SLC16A10: variants seen among roughly 807,000 people sequenced by gnomAD.
SLC16A10 encodes monocarboxylate transporter 10.
In SLC16A10, 27 loss-of-function variants were observed where a neutral mutation model predicts 40.0. The observed-to-expected ratio is 0.67, with a 90% CI of 0.50 to 0.93. The LOEUF is 0.93. Ranked by LOEUF, SLC16A10 falls within the 40% of genes least tolerant of loss-of-function variation. SLC16A10 has a pLI of 0.00. For synonymous variants in SLC16A10, 213 were observed against 249.8 expected (o/e 0.85, Z 1.39); for missense variants, 529 against 658.2 (o/e 0.80, Z 2.15).
Position 111,128,982 on chromosome 6 carries a change from A to G in SLC16A10, c.343+40887A>G, listed in dbSNP as rs574077816. 5.5e-5 allele frequency among the ~76,000 whole-genome samples: 7 copies of G among 127,480 alleles called. No individual in the cohort carries two copies. The South Asian group carries it at 1.1e-3, about 21-fold the overall frequency. 83.6% of individuals were successfully genotyped at this position (127,480 alleles called of 152,430 possible). A position where few individuals can be genotyped will look rare whatever the true frequency, so the allele number is the denominator to read the frequency against. On this transcript the variant is annotated intron_variant, in intron 1 of 5. Transcript: ENST00000368851. ...TTCATTTCAATTGTTTTATTTTTTC[A>G]TATTTTTCATATTTCATATTTTTTC... is the stretch of plus-strand genomic sequence containing the variant.
At chr6:111,195,967 T>C (rs2114571883) in intron 3 of SLC16A10, among the ~76,000 whole-genome samples, 1 of 152,220 alleles carries the variant, frequency 6.6e-6, no homozygotes, top group South Asian at 2.1e-4. Flanking sequence ...ATCCTTGGAT[T>C]CAACCAACCA....
intron 1 of SLC16A10, among the ~76,000 whole-genome samples, chr6:111,108,927 A>T (rs1771335216): frequency 6.6e-6 from 1 of 152,216 alleles, no homozygotes; most frequent in Admixed American, 6.5e-5. Flanking sequence ...CATTATGAGC[A>T]ACACAATACT....
At chr6:111,129,650 C>T (rs1771746213) in intron 1 of SLC16A10, among the ~76,000 whole-genome samples, 1 of 152,174 alleles carries the variant, frequency 6.6e-6, no homozygotes, top group Non-Finnish European at 1.5e-5. Context: ...ATTCAAAGGC[C>T]TCCAAGATAT....
At chr6:111,177,755 C>A in intron 3 of SLC16A10, 90 bp downstream of exon 3, 1 of 1,191,914 alleles carries the variant, frequency 8.4e-7, no homozygotes, top group Non-Finnish European at 1.1e-6. Flanking sequence ...TAAAGTTGGC[C>A]TCAAACATTA....
chr6:111,206,722 A>G lies in SLC16A10; in HGVS notation c.1073A>G (p.Lys358Arg). The change falls in exon 4 of 6, where the codon AAG (lysine) becomes AGG (arginine). Residue 358 changes from lysine (K) to arginine (R), a missense_variant. Transcript: ENST00000368851. ...GCAGATTATGTGCCTGGTGTGAAGA[A>G]GGTTTATCTACAGGTACTTTTTTAC... is the stretch of plus-strand genomic sequence containing the variant. Reference protein sequence around the residue: ...RIADYVPGVKKVYLQVLSFFF... With the variant: ...RIADYVPGVKRVYLQVLSFFF... The G allele has an allele frequency of 6.2e-7, 1 of 1,614,040 alleles. No homozygotes were observed. The highest frequency in any genetic ancestry group is 8.5e-7 in the Non-Finnish European group (1 of 1,180,006).
intron 1 of SLC16A10, among the ~76,000 whole-genome samples, chr6:111,114,760 A>T (rs1771456103): frequency 6.6e-6 from 1 of 152,238 alleles, no homozygotes; most frequent in Non-Finnish European, 1.5e-5. Flanking sequence ...TTATAAAGCA[A>T]ATATTACCAG....
Position 111,225,021 on chromosome 6 carries a change from A to C in SLC16A10, c.*2786A>C, listed in dbSNP as rs766090575. On this transcript the variant is annotated 3_prime_UTR_variant, in exon 6 of 6. Transcript: ENST00000368851. ...AAGGGAGTAACATTCCTTTTTATAG[A>C]TACTCTAGATTGGATACTATTGTAA... The C allele has an allele frequency of 6.6e-6, 1 of 152,212 alleles. No individual in the cohort carries two copies. The highest frequency in any genetic ancestry group is 1.5e-5 in the Non-Finnish European group (1 of 68,042). 9.4% of individuals were successfully genotyped at this position (152,212 alleles called of 1,614,324 possible). A position where few individuals can be genotyped will look rare whatever the true frequency, so the allele number is the denominator to read the frequency against.
rs1295298690 is a variant in SLC16A10 at position 111,230,367 on chromosome 6, C to T, written c.*8132C>T. 2 of 152,130 alleles carry T rather than the reference C, an allele frequency of 1.3e-5. No individual in the cohort carries two copies. The highest frequency in any genetic ancestry group is 2.9e-5 in the Non-Finnish European group (2 of 68,018). 9.4% of individuals were successfully genotyped at this position (152,130 alleles called of 1,614,324 possible). Reference sequence around the variant, plus strand: ...ATTTTATAAATGTAAATTAAGAAGACAATACACACTCTCATTTTCCTAATT... The same window carrying T: ...ATTTTATAAATGTAAATTAAGAAGATAATACACACTCTCATTTTCCTAATT... On this transcript the variant is annotated 3_prime_UTR_variant, in exon 6 of 6. Coordinates refer to ENST00000368851, the MANE Select transcript of SLC16A10 (RefSeq NM_018593.5).
chr6:111,144,036 C>A (rs1772030978), intron 1 of SLC16A10, among the ~76,000 whole-genome samples: 1 of 151,902 alleles, frequency 6.6e-6, no homozygotes, highest in South Asian at 2.1e-4. Context: ...AAATGTACTA[C>A]TCTGGTGGGG....
intron 4 of SLC16A10, among the ~76,000 whole-genome samples, chr6:111,216,254 G>A (rs1418327086): frequency 3.3e-5 from 5 of 152,286 alleles, no homozygotes; most frequent in African/African-American, 1.2e-4. Flanking sequence ...TCACCACTAA[G>A]AAATTATGCT....
At chr6:111,132,575 A>G (rs1332205741) in intron 1 of SLC16A10, among the ~76,000 whole-genome samples, 1 of 152,270 alleles carries the variant, frequency 6.6e-6, no homozygotes, top group Non-Finnish European at 1.5e-5. Context: ...AGTACACCTC[A>G]CCAGTTCAAA....
At chr6:111,202,616 C>T (rs910964805) in intron 3 of SLC16A10, among the ~76,000 whole-genome samples, 1 of 151,660 alleles carries the variant, frequency 6.6e-6, no homozygotes, top group African/African-American at 2.4e-5. Flanking sequence ...TGGCCGAGCG[C>T]GGTGGCTCAC....
chr6:111,228,446 G>A lies in SLC16A10; in HGVS notation c.*6211G>A, dbSNP rs1771047390. 6.6e-6 allele frequency: 1 copy of A among 152,170 alleles called. No homozygotes were observed. Among genetic ancestry groups the A allele is most frequent in the Non-Finnish European group, 1.5e-5 (1 of 68,034 alleles). 9.4% of individuals were successfully genotyped at this position (152,170 alleles called of 1,614,324 possible). On this transcript the variant is annotated 3_prime_UTR_variant, in exon 6 of 6. Coordinates refer to ENST00000368851, the MANE Select transcript of SLC16A10 (RefSeq NM_018593.5). ...CCTTTCAATATGAGTGCTATAAAAAGAGTATTTTGGAGTTCAATGTCCCTA... is the reference window on the plus strand; with the variant it reads ...CCTTTCAATATGAGTGCTATAAAAAAAGTATTTTGGAGTTCAATGTCCCTA...
chr6:111,155,202 T>C (rs1359172551), intron 1 of SLC16A10, among the ~76,000 whole-genome samples: 1 of 151,104 alleles, frequency 6.6e-6, no homozygotes, highest in Non-Finnish European at 1.5e-5. Context: ...CAGGACTTTT[T>C]TTTTTTTTTT....
intron 3 of SLC16A10, among the ~76,000 whole-genome samples, chr6:111,181,080 T>C (rs1772781885): frequency 6.6e-6 from 1 of 151,932 alleles, no homozygotes; most frequent in Admixed American, 6.6e-5. Flanking sequence ...CTGGACGTGA[T>C]TGCTTGCACC....
intron 1 of SLC16A10, among the ~76,000 whole-genome samples, chr6:111,120,036 A>G (rs1489678891): frequency 3.3e-5 from 5 of 152,230 alleles, no homozygotes; most frequent in Admixed American, 3.3e-4. Flanking sequence ...CTGGAAATGT[A>G]GACTAGAAAT....
intron 1 of SLC16A10, among the ~76,000 whole-genome samples, chr6:111,114,522 A>G (rs1771450468): frequency 6.6e-6 from 1 of 152,244 alleles, no homozygotes; most frequent in South Asian, 2.1e-4. Flanking sequence ...AAATGGTATA[A>G]TGTTAAAAAT....
At chr6:111,182,457 A>G (rs1390489111) in intron 3 of SLC16A10, among the ~76,000 whole-genome samples, 1 of 148,958 alleles carries the variant, frequency 6.7e-6, no homozygotes, top group Non-Finnish European at 1.5e-5. Context: ...TTTCCCACTG[A>G]CCCCTGAATA....
At chr6:111,102,316 C>G (rs1435148429) in intron 1 of SLC16A10, among the ~76,000 whole-genome samples, 1 of 152,110 alleles carries the variant, frequency 6.6e-6, no homozygotes, top group African/African-American at 2.4e-5. Flanking sequence ...GTGCTGGCTT[C>G]CTGAAAACCC....
Sources: allele counts gnomAD v4.1 joint callset (sites outside exome capture counted in the v4.1 genomes callset), GRCh38; gene constraint gnomAD v4.1.1; transcripts MANE v1.5; gene names NCBI Gene and HGNC (gene_info 2026-07-23, HGNC 2026-07-21).